The following OSBPL1A variants were observed in gnomAD, a reference collection of about 807,000 sequenced individuals.
OSBPL1A encodes oxysterol binding protein like 1A.
A neutral mutation model predicts 137.1 loss-of-function variants in OSBPL1A; 80 were observed. That is an observed-to-expected ratio of 0.58 (90% CI 0.49 to 0.70). The LOEUF (loss-of-function observed/expected upper bound fraction) is 0.70. Among genes scored for constraint, OSBPL1A ranks in the 30% least tolerant of loss-of-function variants. The pLI is 0.00. For missense variants in OSBPL1A, 970 were observed against 1,129.4 expected, an observed-to-expected ratio of 0.86 and a Z score of 2.02; for synonymous variants, 365 against 389.7, an observed-to-expected ratio of 0.94 and a Z score of 0.75.
chr18:24,193,878 T>C (rs973769032), intron 18 of OSBPL1A, among the ~76,000 whole-genome samples: 4 of 152,270 alleles, frequency 2.6e-5, no homozygotes, highest in African/African-American at 4.8e-5. Flanking sequence ...AGCATAAGCA[T>C]TTACTTGTAC....
chr18:24,320,446 G>A (rs1336906375), intron 7 of OSBPL1A, among the ~76,000 whole-genome samples: 1 of 152,146 alleles, frequency 6.6e-6, no homozygotes, highest in African/African-American at 2.4e-5. Context: ...AGGAAGGGAT[G>A]TCTAGGTTGA....
rs1264149637 is a variant in OSBPL1A at position 24,253,170 on chromosome 18, G to GC, written c.1282-13789_1282-13788insG. Reference sequence around the variant, plus strand: ...ACTCTCCAATGAAAAGACATGGCGGGGGGGGGCGCTGAATGGATGAAAAAA... The same window carrying GC: ...ACTCTCCAATGAAAAGACATGGCGGGCGGGGGGCGCTGAATGGATGAAAAAA... On this transcript the variant is annotated intron_variant, in intron 15 of 27. Coordinates refer to ENST00000319481, the MANE Select transcript of OSBPL1A (RefSeq NM_080597.4). 7.1e-5 allele frequency among the ~76,000 whole-genome samples: 10 copies of GC among 141,690 alleles called. 3 individuals carry two copies. The highest frequency in any genetic ancestry group is 5.2e-4 in the South Asian group (2 of 3,870). The allele number at this position is 141,690 out of a possible 152,430, so 93.0% of individuals were successfully genotyped here. A position where few individuals can be genotyped will look rare whatever the true frequency, so the allele number is the denominator to read the frequency against.
chr18:24,238,241 C>T (rs2088562136), intron 16 of OSBPL1A, among the ~76,000 whole-genome samples: 1 of 152,216 alleles, frequency 6.6e-6, no homozygotes, highest in African/African-American at 2.4e-5. Context: ...TTTCTTGCAT[C>T]TGTGATCAAG....
chr18:24,396,083 G>A (rs1027323048), intron 1 of OSBPL1A, among the ~76,000 whole-genome samples: 9 of 151,740 alleles, frequency 5.9e-5, no homozygotes, highest in African/African-American at 2.4e-5. Flanking sequence ...GCCGGGCATG[G>A]TGGCATGTGC....
intron 15 of OSBPL1A, among the ~76,000 whole-genome samples, chr18:24,250,436 A>G (rs1187164035): frequency 6.6e-6 from 1 of 152,088 alleles, no homozygotes; most frequent in East Asian, 1.9e-4. Context: ...TCAGCCTCCC[A>G]AAGTCCTGGG....
intron 17 of OSBPL1A, among the ~76,000 whole-genome samples, chr18:24,222,401 T>G (rs1292163236): frequency 6.6e-6 from 1 of 152,176 alleles, no homozygotes; most frequent in Non-Finnish European, 1.5e-5. Flanking sequence ...AATATCAGTA[T>G]CTTTACCAAA....
At chr18:24,357,440 G>C (rs2091556090) in intron 4 of OSBPL1A, 1 of 152,158 alleles carries the variant, frequency 6.6e-6, no homozygotes, top group Non-Finnish European at 1.5e-5. Flanking sequence ...GTGGGCCTGG[G>C]TGACTGCACC....
chr18:24,397,271 C>T (rs957738740), intron 1 of OSBPL1A, among the ~76,000 whole-genome samples: 4 of 152,200 alleles, frequency 2.6e-5, no homozygotes, highest in African/African-American at 4.8e-5. Flanking sequence ...TGCATCAATC[C>T]TCCTCTTGTT....
chr18:24,322,577 T>C (rs73394345), intron 7 of OSBPL1A, among the ~76,000 whole-genome samples: 4 of 152,032 alleles, frequency 2.6e-5, no homozygotes, highest in Admixed American at 2.6e-4. Flanking sequence ...GCCTAGCACA[T>C]AGGAAAATGC....
chr18:24,311,388 G>A, intron 13 of OSBPL1A: 1 of 766,730 alleles, frequency 1.3e-6, no homozygotes, highest in South Asian at 5.9e-5. Context: ...TTAGACACAA[G>A]ATGGAAATAA....
intron 15 of OSBPL1A, among the ~76,000 whole-genome samples, chr18:24,246,819 TAAG>T (rs1599557454): frequency 6.9e-6 from 1 of 145,030 alleles, no homozygotes; most frequent in African/African-American, 2.5e-5. Flanking sequence ...AAAAATCCCT[TAAG>T]AAGTACTTCA....
intron 15 of OSBPL1A, among the ~76,000 whole-genome samples, chr18:24,265,806 G>T (rs927027593): frequency 1.3e-5 from 2 of 152,146 alleles, no homozygotes; most frequent in African/African-American, 2.4e-5. Flanking sequence ...TCTCCCAGGG[G>T]AAAGACATCT....
chr18:24,294,512 G>A (rs1044313614), intron 14 of OSBPL1A, among the ~76,000 whole-genome samples: 1 of 152,126 alleles, frequency 6.6e-6, no homozygotes, highest in African/African-American at 2.4e-5. Flanking sequence ...GGGATTACAG[G>A]CGTGAGCCAC....
At chr18:24,391,560 CAAAA>C (rs202011253) in intron 1 of OSBPL1A, among the ~76,000 whole-genome samples, 1 of 123,430 alleles carries the variant, frequency 8.1e-6, no homozygotes. Context: ...CCAGTCTCTA[CAAAA>C]AAAAAAAAAA....
chr18:24,332,109 C>T (rs2091089131), intron 7 of OSBPL1A, among the ~76,000 whole-genome samples: 1 of 152,000 alleles, frequency 6.6e-6, no homozygotes, highest in Non-Finnish European at 1.5e-5. Flanking sequence ...GGCATGGTGG[C>T]TTACATCTGT....
chr18:24,279,138 G>A lies in OSBPL1A; in HGVS notation c.1281+1704C>T, dbSNP rs114390640. Reference sequence around the variant, plus strand: ...AGCATTTAAAAATGTGTATATGCTCGCCATGGAGGCTCGTGCCTGTAATCC... The same window carrying A: ...AGCATTTAAAAATGTGTATATGCTCACCATGGAGGCTCGTGCCTGTAATCC... On this transcript the variant is annotated intron_variant, in intron 15 of 27. Transcript: ENST00000319481. Among the ~76,000 whole-genome samples the A allele has an allele frequency of 5.7e-3, 862 of 151,588 alleles. 7 individuals carry two copies. The highest frequency in any genetic ancestry group is 0.02 in the African/African-American group (818 of 41,268).
chr18:24,176,057 A>C (rs1160307195), intron 21 of OSBPL1A, among the ~76,000 whole-genome samples: 1 of 152,220 alleles, frequency 6.6e-6, no homozygotes, highest in African/African-American at 2.4e-5. Context: ...CTTTAGCATT[A>C]AGCCTTAAAA....
chr18:24,169,676 A>C (rs2086228607), intron 24 of OSBPL1A, among the ~76,000 whole-genome samples: 1 of 152,226 alleles, frequency 6.6e-6, no homozygotes, highest in South Asian at 2.1e-4. Flanking sequence ...GTTACTGGAA[A>C]GGAATCCGTC....
intron 13 of OSBPL1A, among the ~76,000 whole-genome samples, chr18:24,308,772 A>AT (rs35612886): frequency 1.3e-4 from 19 of 148,444 alleles, no homozygotes; most frequent in Admixed American, 3.4e-4. Flanking sequence ...GAACAACTGA[A>AT]TTTTTTTTTT....
Sources: allele counts gnomAD v4.1 joint callset (sites outside exome capture counted in the v4.1 genomes callset), GRCh38; gene constraint gnomAD v4.1.1; transcripts MANE v1.5; gene names NCBI Gene and HGNC (gene_info 2026-07-23, HGNC 2026-07-21).